Variants in TRIP12 observed in about 807,000 individuals in gnomAD.
The protein encoded by TRIP12 is E3 ubiquitin-protein ligase TRIP12.
A neutral mutation model predicts 244.2 loss-of-function variants in TRIP12; 25 were observed. The ratio of observed to expected loss-of-function variants is 0.10; its 90% CI spans 0.07 to 0.14. The LOEUF (loss-of-function observed/expected upper bound fraction) is 0.14, where lower values mean the gene tolerates loss of function less well. TRIP12 is among the 10% of genes least tolerant of loss of function. TRIP12 has a pLI of 1.00. For synonymous variants in TRIP12, 905 were observed against 873.1 expected, an observed-to-expected ratio of 1.04 and a Z score of -0.64; for missense variants, 1,677 against 2,486.4, an observed-to-expected ratio of 0.67 and a Z score of 6.92.
chr2:229,791,214 C>T lies in TRIP12; in HGVS notation c.4453G>A (p.Asp1485Asn). The stretch of plus-strand genomic sequence containing the variant: ...CTTCCTCTTTTACCACCAACACAAT[C>T]TTTATTACTTTCTTCATCCTCTCTC... ...PVREDEESNK[D>N]CVGGKRGRAQ... The change falls in exon 30 of 42, where the codon GAT (aspartate) becomes AAT (asparagine). Residue 1485 changes from aspartate to asparagine, a missense_variant. Around this residue, in one of 11 missense-constraint regions of TRIP12, gnomAD observed 265 missense variants for 370.8 expected, o/e 0.71. Coordinates refer to ENST00000675903, the MANE Select transcript of TRIP12 (RefSeq NM_001348323.3). The T allele has an allele frequency of 6.2e-7, 1 of 1,614,058 alleles. No homozygotes were observed. Among genetic ancestry groups the T allele is most frequent in the South Asian group, 1.1e-5 (1 of 91,074 alleles).
chr2:229,769,602 C>T (rs75042037), intron 39 of TRIP12, among the ~76,000 whole-genome samples: 2,031 of 152,226 alleles, frequency 0.013, 27 homozygotes, highest in Non-Finnish European at 0.022. Flanking sequence ...CCTGATGACC[C>T]TTGATTTCAG....
upstream of TRIP12, chr2:229,922,236 A>C: frequency 4.9e-6 from 2 of 407,882 alleles, no homozygotes; most frequent in African/African-American, 2.1e-5. Flanking sequence ...CAGGAAGGGG[A>C]CTGTGGAGAT....
intron 1 of TRIP12, among the ~76,000 whole-genome samples, chr2:229,887,878 A>T (rs1317953865): frequency 6.6e-6 from 1 of 152,216 alleles, no homozygotes; most frequent in African/African-American, 2.4e-5. Flanking sequence ...GTTACATGTT[A>T]ACCTGTAGAT....
chr2:229,770,585 T>C (rs1257318474), intron 39 of TRIP12, among the ~76,000 whole-genome samples: 1 of 152,230 alleles, frequency 6.6e-6, no homozygotes, highest in African/African-American at 2.4e-5. Flanking sequence ...CTAGAGGCTT[T>C]CTGTATCTCA....
intron 31 of TRIP12, among the ~76,000 whole-genome samples, chr2:229,789,395 C>A (rs2040860725): frequency 6.6e-6 from 1 of 152,092 alleles, no homozygotes. Flanking sequence ...TAAATTTATT[C>A]CTAGAGAGAA....
At chr2:229,826,979 C>A (rs1172016786) in intron 8 of TRIP12, among the ~76,000 whole-genome samples, 2 of 151,918 alleles carry the variant, frequency 1.3e-5, no homozygotes, top group Non-Finnish European at 2.9e-5. Context: ...TAAGAAATAT[C>A]TTTCTTAAAG....
rs185124522 is a variant in TRIP12, at chr2:229,808,076, C to T, written c.2339+176G>A. On this transcript the variant is annotated intron_variant, in intron 16 of 41. Coordinates refer to ENST00000675903, the MANE Select transcript of TRIP12 (RefSeq NM_001348323.3). ...CGCCTCCCAGGTTCAAGCAATTTCT[C>T]CTGTCTTGGCCTCCCAAGCAGCTGG... Among the ~76,000 whole-genome samples the T allele has an allele frequency of 6.2e-3, 939 of 152,170 alleles. 7 individuals are homozygous for T. Among genetic ancestry groups the T allele is most frequent in the Middle Eastern group, 0.048 (14 of 294 alleles).
At position 229,880,051 on chromosome 2, in the gene TRIP12, C is replaced by T; in HGVS notation, c.29G>A (p.Gly10Glu). The T allele has an allele frequency of 6.2e-7, 1 of 1,614,094 alleles. No homozygotes were observed. The highest frequency in any genetic ancestry group is 8.5e-7 in the Non-Finnish European group (1 of 1,180,038). ...CCTCTGTGAACGTCGCAGTGACCCCCCTGGATTGTTATTAGGCCGGTTGGA... is the reference window on the plus strand; with the variant it reads ...CCTCTGTGAACGTCGCAGTGACCCCTCTGGATTGTTATTAGGCCGGTTGGA... MSNRPNNNPGGSLRRSQRNT... is the reference protein window; with the variant it reads MSNRPNNNPEGSLRRSQRNT... The change falls in exon 2 of 42, where the codon GGG (glycine) becomes GAG (glutamate). Residue 10 changes from glycine (G) to glutamate (E), a missense_variant. Physicochemically the swap from Gly to Glu is moderately conservative, Grantham distance 98 (BLOSUM62 -2). Around this residue, in one of 11 missense-constraint regions of TRIP12, gnomAD observed 387 missense variants for 392.6 expected, o/e 0.99. Coordinates refer to ENST00000675903, the MANE Select transcript of TRIP12 (RefSeq NM_001348323.3).
At chr2:229,807,047 A>G (rs762810608) in intron 17 of TRIP12, among the ~76,000 whole-genome samples, 3 of 152,254 alleles carry the variant, frequency 2.0e-5, no homozygotes, top group Non-Finnish European at 4.4e-5. Flanking sequence ...AACAATATAT[A>G]AGGAAGTAAA....
intron 5 of TRIP12, among the ~76,000 whole-genome samples, chr2:229,839,106 C>T (rs760296350): frequency 6.6e-6 from 1 of 152,172 alleles, no homozygotes; most frequent in Non-Finnish European, 1.5e-5. Flanking sequence ...CGTATATGAC[C>T]GTGGTCCTGC....
Position 229,808,343 on chromosome 2 carries a change from G to C in TRIP12, c.2248C>G (p.Leu750Val). The change falls in exon 16 of 42, where the codon CTG becomes GTG. Residue 750 changes from leucine to valine, a missense_variant. Around this residue, in one of 11 missense-constraint regions of TRIP12, gnomAD observed 572 missense variants for 867.8 expected, o/e 0.66. Coordinates refer to ENST00000675903, the MANE Select transcript of TRIP12 (RefSeq NM_001348323.3). Reference sequence around the variant, plus strand: ...CAACTTCCATTGGAGGCACCACACAGGAGAAAGTGAAGCGTTTCTGCAATG... The same window carrying C: ...CAACTTCCATTGGAGGCACCACACACGAGAAAGTGAAGCGTTTCTGCAATG... ...QNIAETLHFL[L>V]CGASNGSCQE... is the part of the protein sequence containing the mutation. 6.2e-7 allele frequency: 1 copy of C among 1,613,288 alleles called. No individual in the cohort carries two copies. The highest frequency in any genetic ancestry group is 1.1e-5 in the South Asian group (1 of 91,070).
intron 23 of TRIP12, among the ~76,000 whole-genome samples, chr2:229,798,635 A>G (rs758006831): frequency 2.0e-5 from 3 of 152,216 alleles, no homozygotes; most frequent in South Asian, 2.1e-4. Flanking sequence ...TTTTGAACGT[A>G]TAAGACTTTC....
intron 6 of TRIP12, among the ~76,000 whole-genome samples, chr2:229,831,720 C>T (rs764358101): frequency 9.2e-5 from 14 of 152,066 alleles, no homozygotes; most frequent in African/African-American, 2.4e-4. Context: ...TACTATTAAT[C>T]GAAATACTAA....
chr2:229,870,538 A>G (rs1425249889), intron 2 of TRIP12, among the ~76,000 whole-genome samples: 1 of 152,244 alleles, frequency 6.6e-6, no homozygotes, highest in African/African-American at 2.4e-5. Flanking sequence ...AGTATAAACT[A>G]CATTGATGTG....
chr2:229,810,568 G>A (rs2047019036), intron 15 of TRIP12, among the ~76,000 whole-genome samples: 2 of 152,108 alleles, frequency 1.3e-5, no homozygotes, highest in Admixed American at 1.3e-4. Context: ...GCTGGTTATT[G>A]GTTAACATAA....
At chr2:229,843,118 C>A (rs2056866201) in intron 4 of TRIP12, among the ~76,000 whole-genome samples, 1 of 148,830 alleles carries the variant, frequency 6.7e-6, no homozygotes, top group African/African-American at 2.5e-5. Context: ...CTCTCCCCAC[C>A]CCCCTTTCCC....
At chr2:229,867,124 T>G (rs1392389165) in intron 2 of TRIP12, among the ~76,000 whole-genome samples, 3 of 148,256 alleles carry the variant, frequency 2.0e-5, no homozygotes, top group East Asian at 4.0e-4. Flanking sequence ...TTTTTTTAAG[T>G]GTAGGCTATG....
chr2:229,836,206 T>C (rs947904900), intron 6 of TRIP12, among the ~76,000 whole-genome samples: 1 of 152,248 alleles, frequency 6.6e-6, no homozygotes, highest in Admixed American at 6.5e-5. Flanking sequence ...AAGGGACTCA[T>C]ACATATAAGC....
intron 24 of TRIP12, among the ~76,000 whole-genome samples, chr2:229,797,055 T>C (rs1438461280): frequency 1.3e-5 from 2 of 152,064 alleles, no homozygotes; most frequent in African/African-American, 4.8e-5. Context: ...AAAAAGAGTA[T>C]TTTAAAAGAT....
Sources: allele counts gnomAD v4.1 joint callset (sites outside exome capture counted in the v4.1 genomes callset), GRCh38; gene constraint gnomAD v4.1.1; regional missense constraint gnomAD v4.1.1; transcripts MANE v1.5; gene names NCBI Gene and HGNC (gene_info 2026-07-23, HGNC 2026-07-21).